IGFN1: variants seen among roughly 807,000 people sequenced by gnomAD.
IGFN1 encodes the protein immunoglobulin-like and fibronectin type III domain-containing protein 1.
IGFN1 carries 253 observed loss-of-function variants against 289.5 expected under a neutral mutation model. The ratio of observed to expected loss-of-function variants is 0.87; its 90% CI spans 0.79 to 0.97. IGFN1 has a LOEUF of 0.97. Among genes scored for constraint, IGFN1 ranks in the 50% least tolerant of loss-of-function variants. The pLI is 0.00. For synonymous variants in IGFN1, 1,706 were observed against 1,788.5 expected (o/e 0.95, Z 1.16); for missense variants, 4,470 against 4,686.1 (o/e 0.95, Z 1.35).
intron 18 of IGFN1, among the ~76,000 whole-genome samples, chr1:201,220,466 C>G (rs964927561): frequency 3.9e-5 from 6 of 152,362 alleles, no homozygotes; most frequent in African/African-American, 1.4e-4. Context: ...AGGCATGAGC[C>G]ATGGGCCCAC....
At position 201,211,624 on chromosome 1, in the gene IGFN1, C is replaced by G. The variant is rs1667806401; in HGVS notation, c.6731C>G (p.Ser2244Ter). ...TTAGGGAGTTCTGGGGAAATGGGGT[C>G]AATGGATGAGGCAGATTATAGGAAG... ...DGLGSSGEMGSMDEADYRKDL... is the reference protein window; with the variant it reads ...DGLGSSGEMG Residue 2244 changes from serine (S) to a stop codon, truncating the protein, a stop_gained, in exon 12 of 24, where the codon TCA (serine) becomes TGA (stop). Coordinates refer to ENST00000335211, the MANE Select transcript of IGFN1 (RefSeq NM_001164586.2). LOFTEE classifies it high-confidence loss of function. 6.5e-7 allele frequency: 1 copy of G among 1,535,352 alleles called. No individual in the cohort carries two copies.
Position 201,213,255 on chromosome 1 carries a change from G to A in IGFN1, c.8362G>A (p.Val2788Ile). Residue 2788 changes from valine (V) to isoleucine (I), a missense_variant, in exon 12 of 24, where the codon GTC becomes ATC. Around this residue, in one of 8 missense-constraint regions of IGFN1, gnomAD observed 2,218 missense variants for 2,114.1 expected, o/e 1.05. Transcript: ENST00000335211. The stretch of plus-strand genomic sequence containing the variant: ...GTCCCTGGAGGCTGAGAATGGTGAG[G>A]TCCAGGGTCCTGGGGCCCTAAAGGA... The part of the protein sequence containing the change: ...QGSLEAENGE[V>I]QGPGALKEDE... 1 of 1,552,328 alleles carries A rather than the reference G, an allele frequency of 6.4e-7. No individual in the cohort carries two copies. The highest frequency in any genetic ancestry group is 8.7e-7 in the Non-Finnish European group (1 of 1,147,312).
chr1:201,227,328 C>T (rs1314938326), intron 23 of IGFN1, 120 bp downstream of exon 23: 3 of 701,310 alleles, frequency 4.3e-6, no homozygotes, highest in Admixed American at 2.8e-5. Context: ...GAGACCAGGA[C>T]TCTCTGCCTG....
intron 8 of IGFN1, 22 bp downstream of exon 8, chr1:201,200,433 C>T (rs1031945538): frequency 1.2e-5 from 19 of 1,541,698 alleles, no homozygotes; most frequent in Non-Finnish European, 1.4e-5. Flanking sequence ...CATTCCCACC[C>T]CTCACTCCAT....
rs1667870176 is a variant in IGFN1, at chr1:201,212,558, AG to A, written c.7666del (p.Ala2556GlnfsTer5). On this transcript the variant is annotated frameshift_variant, in exon 12 of 24. Coordinates refer to ENST00000335211, the MANE Select transcript of IGFN1 (RefSeq NM_001164586.2). LOFTEE classifies it high-confidence loss of function. Reference sequence around the variant, plus strand: ...CTGGATATGAACGGGACATCTGGAAAGCAGGCCCAGGAATGACAGACAGGGG... The same window carrying A: ...CTGGATATGAACGGGACATCTGGAAACAGGCCCAGGAATGACAGACAGGGG... ...GSGYERDIWK[A>X]GPGMTDRGRV... 6.5e-7 allele frequency: 1 copy of A among 1,549,792 alleles called. No homozygotes were observed. Among genetic ancestry groups the A allele is most frequent in the African/African-American group, 1.4e-5 (1 of 72,974 alleles).
In IGFN1 at chr1:201,212,417, T is replaced by C; in HGVS notation, c.7524T>C (p.Ala2508=). ...GTPGSSRDRG[A]PRVKDRSPDQ... ...CAGGGTCTTCTAGAGACAGAGGGGC[T>C]CCCAGGGTGAAGGATAGGTCTCCAG... Residue 2508 remains alanine (A), a synonymous_variant, in exon 12 of 24, where the codon GCT becomes GCC. Transcript: ENST00000335211. 6.5e-7 allele frequency: 1 copy of C among 1,536,896 alleles called. No individual in the cohort carries two copies. Among genetic ancestry groups the C allele is most frequent in the African/African-American group, 1.4e-5 (1 of 73,060 alleles).
At chr1:201,195,305 C>T (rs1666867269) in intron 3 of IGFN1, among the ~76,000 whole-genome samples, 1 of 152,144 alleles carries the variant, frequency 6.6e-6, no homozygotes, top group African/African-American at 2.4e-5. Context: ...GCACATGCCA[C>T]CAAGCCTGGC....
chr1:201,224,436 C>A (rs1290728312), intron 20 of IGFN1, among the ~76,000 whole-genome samples: 1 of 152,100 alleles, frequency 6.6e-6, no homozygotes, highest in East Asian at 1.9e-4. Context: ...TTTGCCGAAC[C>A]TCTTCGTCCA....
chr1:201,217,480 C>T lies in IGFN1; in HGVS notation c.9769+20C>T. The T allele has an allele frequency of 6.2e-7, 1 of 1,613,228 alleles. No individual in the cohort carries two copies. Among genetic ancestry groups the T allele is most frequent in the Non-Finnish European group, 8.5e-7 (1 of 1,179,394 alleles). ...TGCCTGGTGAGCATTGTCCTGGCTT[C>T]CAGAGCTTCCTTAGACCCCTCCTGG... On this transcript the variant is annotated intron_variant, in intron 17 of 23. Transcript: ENST00000335211.
intron 5 of IGFN1, among the ~76,000 whole-genome samples, chr1:201,198,751 C>A (rs1424665625): frequency 6.6e-6 from 1 of 152,134 alleles, no homozygotes; most frequent in African/African-American, 2.4e-5. Flanking sequence ...ATAGAGGAAG[C>A]AAAGGCTTTC....
rs368055869 is a variant in IGFN1 at position 201,199,257 on chromosome 1, G to A, written c.368-77G>A. The A allele has an allele frequency of 3.0e-5, 38 of 1,285,706 alleles. No homozygotes were observed. The East Asian group carries it at 3.5e-4, about 12-fold the overall frequency. The allele number at this position is 1,285,706 out of a possible 1,614,324, so 79.6% of individuals were successfully genotyped here. A position where few individuals can be genotyped will look rare whatever the true frequency, so the allele number is the denominator to read the frequency against. ...GCTCTGGGACTCCATCAGTTTCTCAGGAAGACCATCAACATGTCTTGCTTC... is the reference window on the plus strand; with the variant it reads ...GCTCTGGGACTCCATCAGTTTCTCAAGAAGACCATCAACATGTCTTGCTTC... On this transcript the variant is annotated intron_variant, in intron 5 of 23. Transcript: ENST00000335211.
Position 201,193,310 on chromosome 1 carries a change from G to A in IGFN1, c.7+10G>A. The A allele has an allele frequency of 6.5e-7, 1 of 1,540,488 alleles. No individual in the cohort carries two copies. The highest frequency in any genetic ancestry group is 8.8e-7 in the Non-Finnish European group (1 of 1,136,546). On this transcript the variant is annotated intron_variant, in intron 2 of 23. Transcript: ENST00000335211. Reference sequence around the variant, plus strand: ...GGCAGAACTATGGCAGGTAAGAGAAGAACTAATCTCCCCTCCCCAGCCCTC... The same window carrying A: ...GGCAGAACTATGGCAGGTAAGAGAAAAACTAATCTCCCCTCCCCAGCCCTC...
In IGFN1 at chr1:201,211,856, T is replaced by TTCTAA; in HGVS notation, c.6967_6968insATCTA (p.Arg2323AsnfsTer54). 1 of 1,535,468 alleles carries TTCTAA rather than the reference T, an allele frequency of 6.5e-7. No homozygotes were observed. The highest frequency in any genetic ancestry group is 8.7e-7 in the Non-Finnish European group (1 of 1,145,952). On this transcript the variant is annotated frameshift_variant, in exon 12 of 24. Coordinates refer to ENST00000335211, the MANE Select transcript of IGFN1 (RefSeq NM_001164586.2). LOFTEE classifies it high-confidence loss of function. The stretch of plus-strand genomic sequence containing the variant: ...ACATTTTGTCATGGAATGAGGCAGG[T>TTCTAA]TCTAGGCAAGGCTTTGGGGGAACTA...
chr1:201,200,351 C>G lies in IGFN1; in HGVS notation c.573C>G (p.Tyr191Ter). 1 of 1,551,790 alleles carries G rather than the reference C, an allele frequency of 6.4e-7. No individual in the cohort carries two copies. Among genetic ancestry groups the G allele is most frequent in the Non-Finnish European group, 8.7e-7 (1 of 1,147,012 alleles). ...KICLKYGIVD[Y>*]RGMLRRLQEM... ...GCTTGAAGTATGGCATCGTCGACTA[C>G]CGTGGCATGTTGCGCAGGCTGCAGG... is the stretch of plus-strand genomic sequence containing the variant. The change falls in exon 8 of 24, where the codon TAC (tyrosine) becomes TAG (stop). Residue 191 changes from tyrosine (Y) to a stop codon, truncating the protein, a stop_gained. Transcript: ENST00000335211. LOFTEE classifies it high-confidence loss of function.
Position 201,193,312 on chromosome 1 carries a change from A to T in IGFN1, c.7+12A>T. Reference sequence around the variant, plus strand: ...CAGAACTATGGCAGGTAAGAGAAGAACTAATCTCCCCTCCCCAGCCCTCCC... The same window carrying T: ...CAGAACTATGGCAGGTAAGAGAAGATCTAATCTCCCCTCCCCAGCCCTCCC... On this transcript the variant is annotated intron_variant, in intron 2 of 23. Coordinates refer to ENST00000335211, the MANE Select transcript of IGFN1 (RefSeq NM_001164586.2). The T allele has an allele frequency of 6.5e-7, 1 of 1,540,032 alleles. No homozygotes were observed. Among genetic ancestry groups the T allele is most frequent in the Non-Finnish European group, 8.8e-7 (1 of 1,136,116 alleles).
Position 201,226,970 on chromosome 1 carries a change from G to A in IGFN1, c.10875G>A (p.Leu3625=). The A allele has an allele frequency of 3.7e-6, 6 of 1,613,092 alleles. No individual in the cohort carries two copies. The highest frequency in any genetic ancestry group is 4.2e-6 in the Non-Finnish European group (5 of 1,179,942). The change falls in exon 23 of 24, where the codon CTG becomes CTA. Residue 3625 remains leucine, a synonymous_variant. Transcript: ENST00000335211. ...TGGTGGGCCTGCGGTCCCACCTGCT[G>A]CCCCAGGGCTGCGAGTGCTGCATGA... is the stretch of plus-strand genomic sequence containing the variant. ...RFLVGLRSHL[L]PQGCECCMSC...
At chr1:201,200,135 A>C in intron 7 of IGFN1, 102 bp from the exon 8 acceptor site, 2 of 896,546 alleles carry the variant, frequency 2.2e-6, no homozygotes, top group Non-Finnish European at 3.4e-6. Flanking sequence ...CCTCGAGTGC[A>C]GATAGAGCAG....
chr1:201,225,496 G>A (rs571730996), intron 21 of IGFN1, among the ~76,000 whole-genome samples: 1 of 152,236 alleles, frequency 6.6e-6, no homozygotes, highest in Non-Finnish European at 1.5e-5. Context: ...GGGAGGCTGA[G>A]GCAGGAGAAT....
chr1:201,192,128 C>A (rs1314685193), intron 1 of IGFN1, among the ~76,000 whole-genome samples: 1 of 152,204 alleles, frequency 6.6e-6, no homozygotes, highest in Non-Finnish European at 1.5e-5. Context: ...CTCCAGAACG[C>A]AGTTGGCGTA....
Sources: gnomAD v4.1 joint callset for allele counts (sites outside exome capture counted in the v4.1 genomes callset) on GRCh38, gnomAD v4.1.1 for gene constraint, gnomAD v4.1.1 regional missense constraint, MANE v1.5 for transcripts, NCBI Gene and HGNC (gene_info 2026-07-23, HGNC 2026-07-21) for gene names.